GRK2: variants seen among roughly 807,000 people sequenced by gnomAD.
The protein encoded by GRK2 is adrenergic beta receptor kinase 1.
A neutral mutation model predicts 97.8 loss-of-function variants in GRK2; 23 were observed. That is an observed-to-expected ratio of 0.24 (90% CI 0.17 to 0.33). The LOEUF (loss-of-function observed/expected upper bound fraction) is 0.33, where lower values mean the gene tolerates loss of function less well. Among genes scored for constraint, GRK2 ranks in the 10% least tolerant of loss-of-function variants. The pLI is 1.00. For synonymous variants in GRK2, 425 were observed against 381.7 expected (o/e 1.11, Z -1.32); for missense variants, 633 against 956.9 (o/e 0.66, Z 4.47).
intron 1 of GRK2, among the ~76,000 whole-genome samples, chr11:67,268,429 T>C (rs1431657135): frequency 6.6e-6 from 1 of 151,996 alleles, no homozygotes; most frequent in Admixed American, 6.6e-5. Flanking sequence ...CTGGGGGCTG[T>C]CCAGGGAGCA....
At position 67,283,784 on chromosome 11, in the gene GRK2, G is replaced by A. The variant is rs1590855332; in HGVS notation, c.1395+11G>A. ...GTCTTCTTGCAGAAGGTAACAGTCT[G>A]CGGCAGGGACTGGGGGTGCTCTGCA... On this transcript the variant is annotated intron_variant, in intron 16 of 20. Coordinates refer to ENST00000308595, the MANE Select transcript of GRK2 (RefSeq NM_001619.5). The A allele has an allele frequency of 1.9e-6, 3 of 1,613,488 alleles. No individual in the cohort carries two copies. Among genetic ancestry groups the A allele is most frequent in the Non-Finnish European group, 2.5e-6 (3 of 1,179,954 alleles).
At position 67,284,205 on chromosome 11, in the gene GRK2, G is replaced by A. The variant is rs930919922; in HGVS notation, c.1492-6G>A. The A allele has an allele frequency of 7.4e-6, 12 of 1,613,554 alleles. No individual in the cohort carries two copies. Among genetic ancestry groups the A allele is most frequent in the Middle Eastern group, 3.3e-4 (2 of 6,062 alleles). On this transcript the variant is annotated splice_polypyrimidine_tract_variant and splice_region_variant and intron_variant, in intron 17 of 20. Coordinates refer to ENST00000308595, the MANE Select transcript of GRK2 (RefSeq NM_001619.5). ...CATGTGCCCCTGCCCCATCCACCTG[G>A]TAAAGTTACTGGACAGTGATCAGGA...
intron 15 of GRK2, 113 bp from the exon 16 acceptor site, chr11:67,283,594 G>A (rs995003173): frequency 1.9e-6 from 2 of 1,027,354 alleles, no homozygotes; most frequent in South Asian, 1.4e-5. Context: ...TGAGGAAACA[G>A]CTCAGGCTTA....
At chr11:67,280,469 T>A (rs1164622423) in intron 6 of GRK2, 2 of 567,760 alleles carry the variant, frequency 3.5e-6, no homozygotes, top group Non-Finnish European at 6.3e-6. Flanking sequence ...CTGGAAGACC[T>A]CCTTTCTGTG....
rs148084953 is a variant in GRK2 at position 67,283,222 on chromosome 11, G to A, written c.1322G>A (p.Gly441Asp). 1 of 1,613,700 alleles carries A rather than the reference G, an allele frequency of 6.2e-7. No homozygotes were observed. Among genetic ancestry groups the A allele is most frequent in the African/African-American group, 1.3e-5 (1 of 74,908 alleles). ...GTCAACCGGAGATTGGGCTGCCTGG[G>A]CCGAGGGTGAGTACCCTGGCGCCTT... ...RDVNRRLGCLGRGAQEVKESP... is the reference protein window; with the variant it reads ...RDVNRRLGCLDRGAQEVKESP... The change falls in exon 15 of 21, where the codon GGC (glycine) becomes GAC (aspartate). Residue 441 changes from glycine to aspartate, a missense_variant. Gly to Asp is a moderately conservative substitution (Grantham distance 94). This residue lies in a region of GRK2 where 68 missense variants were observed against 71.0 expected (regional missense o/e 0.96). Coordinates refer to ENST00000308595, the MANE Select transcript of GRK2 (RefSeq NM_001619.5).
rs577737283 is a variant in GRK2, at chr11:67,269,194, G to A, written c.113+2382G>A. On this transcript the variant is annotated intron_variant, in intron 1 of 20. Coordinates refer to ENST00000308595, the MANE Select transcript of GRK2 (RefSeq NM_001619.5). The surrounding 1 kb of genome is among the most constrained non-coding windows in gnomAD (Gnocchi z 4.1). ...CAGAGCACGCCGCCCCCCGCCCCCCGCCGCCCCAGTGGTGATCCTGACCAT... is the reference window on the plus strand; with the variant it reads ...CAGAGCACGCCGCCCCCCGCCCCCCACCGCCCCAGTGGTGATCCTGACCAT... Among the ~76,000 whole-genome samples the A allele has an allele frequency of 9.2e-5, 10 of 108,632 alleles. No individual in the cohort carries two copies. Among genetic ancestry groups the A allele is most frequent in the African/African-American group, 2.8e-4 (8 of 28,768 alleles). 71.3% of individuals were successfully genotyped at this position (108,632 alleles called of 152,430 possible). A position where few individuals can be genotyped will look rare whatever the true frequency, so the allele number is the denominator to read the frequency against.
In GRK2 at chr11:67,286,448, C is replaced by A; in HGVS notation, c.*998C>A. The A allele has an allele frequency of 1.4e-6, 1 of 698,856 alleles. No individual in the cohort carries two copies. The highest frequency in any genetic ancestry group is 2.6e-6 in the Non-Finnish European group (1 of 382,610). 43.3% of individuals were successfully genotyped at this position (698,856 alleles called of 1,614,324 possible). A position where few individuals can be genotyped will look rare whatever the true frequency, so the allele number is the denominator to read the frequency against. On this transcript the variant is annotated 3_prime_UTR_variant, in exon 21 of 21. Transcript: ENST00000308595. ...CCCCCCCGGGGCTGGGTTGGCGCACCCTCCCCTCCCGTCTACTCATTCCCC... is the reference window on the plus strand; with the variant it reads ...CCCCCCCGGGGCTGGGTTGGCGCACACTCCCCTCCCGTCTACTCATTCCCC...
At position 67,279,527 on chromosome 11, in the gene GRK2, TC is replaced by T; in HGVS notation, c.366+10del. 2.5e-6 allele frequency: 4 copies of T among 1,613,000 alleles called. No individual in the cohort carries two copies. Among genetic ancestry groups the T allele is most frequent in the Non-Finnish European group, 2.5e-6 (3 of 1,179,926 alleles). ...CTGCTGGCCTGCTCGCATGTGAGTGTCCTCAGCTGGCCCTGTGTGCTGGCCC... is the reference window on the plus strand; with the variant it reads ...CTGCTGGCCTGCTCGCATGTGAGTGTCTCAGCTGGCCCTGTGTGCTGGCCC... On this transcript the variant is annotated intron_variant, in intron 4 of 20. Coordinates refer to ENST00000308595, the MANE Select transcript of GRK2 (RefSeq NM_001619.5).
chr11:67,273,721 G>T (rs1185136483), intron 1 of GRK2, among the ~76,000 whole-genome samples: 1 of 152,176 alleles, frequency 6.6e-6, no homozygotes, highest in Non-Finnish European at 1.5e-5. Flanking sequence ...TTTTAAGGAA[G>T]AAAGTGGAGT....
chr11:67,275,821 C>T lies in GRK2; in HGVS notation c.114-1451C>T, dbSNP rs1021924784. ...TTCCACCTTCTCCACACAGGCTTTC[C>T]AGACCCAGAGGCCTCCTCTCCTTCC... is the stretch of plus-strand genomic sequence containing the variant. On this transcript the variant is annotated intron_variant, in intron 1 of 20. Coordinates refer to ENST00000308595, the MANE Select transcript of GRK2 (RefSeq NM_001619.5). Among the ~76,000 whole-genome samples, 22 of 152,400 alleles carry T rather than the reference C, an allele frequency of 1.4e-4. 1 individual carries two copies. In the East Asian group the frequency reaches 4.2e-3, roughly 29 times the overall value.
chr11:67,285,563 C>T lies in GRK2; in HGVS notation c.*113C>T. ...TGTAATTATTGTGATTTCCCGTGGCCCCAGCCTGGCCCAGCTCCCCCGGGA... is the reference window on the plus strand; with the variant it reads ...TGTAATTATTGTGATTTCCCGTGGCTCCAGCCTGGCCCAGCTCCCCCGGGA... On this transcript the variant is annotated 3_prime_UTR_variant, in exon 21 of 21. Transcript: ENST00000308595. 1 of 1,292,294 alleles carries T rather than the reference C, an allele frequency of 7.7e-7. No homozygotes were observed. The highest frequency in any genetic ancestry group is 3.2e-5 in the Admixed American group (1 of 31,712). The allele number at this position is 1,292,294 out of a possible 1,614,324, so 80.1% of individuals were successfully genotyped here.
chr11:67,281,430 G>GGT lies in GRK2; in HGVS notation c.648-26_648-25dup, dbSNP rs1565067162. 1 of 1,599,834 alleles carries GGT rather than the reference G, an allele frequency of 6.3e-7. No homozygotes were observed. Among genetic ancestry groups the GGT allele is most frequent in the Non-Finnish European group, 8.6e-7 (1 of 1,168,402 alleles). ...GCCCTGGGCCCCTGCTCTGAGGGTG[G>GGT]GTGTTGACTGCCGACCTCTGCCCCG... On this transcript the variant is annotated intron_variant, in intron 8 of 20. Coordinates refer to ENST00000308595, the MANE Select transcript of GRK2 (RefSeq NM_001619.5). The surrounding 1 kb of genome is among the most constrained non-coding windows in gnomAD (Gnocchi z 5.7).
intron 1 of GRK2, chr11:67,270,795 A>C (rs941861451): frequency 1.8e-4 from 27 of 152,324 alleles, no homozygotes; most frequent in African/African-American, 5.8e-4. Flanking sequence ...CTTATTTGCC[A>C]TTAAGTCGCC....
intron 3 of GRK2, 57 bp downstream of exon 3, chr11:67,279,330 C>T (rs1019794406): frequency 1.1e-5 from 17 of 1,608,538 alleles, no homozygotes; most frequent in African/African-American, 5.3e-5. Flanking sequence ...GAGGTTGGGG[C>T]GGCTTTGTGG....
At chr11:67,280,679 A>G in intron 6 of GRK2, 53 bp from the exon 7 acceptor site, 3 of 1,608,246 alleles carry the variant, frequency 1.9e-6, no homozygotes, top group Admixed American at 1.7e-5. Context: ...TCACGACAGC[A>G]TCATCCTTCC....
In GRK2 at chr11:67,285,294, T is replaced by C. The variant is rs752047589; in HGVS notation, c.1914T>C (p.Pro638=). ...GGGCTTGGCATGTGCAGAGCGACCC[T>C]GAGCTGGTGCAGTGGAAGAAGGAGC... ...KQFILQCDSD[P]ELVQWKKELR... The change falls in exon 21 of 21, where the codon CCT becomes CCC. Residue 638 remains proline (P), a synonymous_variant. Transcript: ENST00000308595. 49 of 1,609,068 alleles carry C rather than the reference T, an allele frequency of 3.0e-5. No individual in the cohort carries two copies. The highest frequency in any genetic ancestry group is 4.1e-5 in the Non-Finnish European group (48 of 1,178,138).
At position 67,284,763 on chromosome 11, in the gene GRK2, T is replaced by C; in HGVS notation, c.1655-84T>C. On this transcript the variant is annotated intron_variant, in intron 18 of 20. Coordinates refer to ENST00000308595, the MANE Select transcript of GRK2 (RefSeq NM_001619.5). ...AAGATTGTGCCACAGCCCTCCAGCC[T>C]GGGCAACAGAGTGGAGACCCTGTCT... is the stretch of plus-strand genomic sequence containing the variant. 2.6e-6 allele frequency: 4 copies of C among 1,518,292 alleles called. No individual in the cohort carries two copies. In the South Asian group the frequency reaches 4.9e-5, roughly 18 times the overall value. The allele number at this position is 1,518,292 out of a possible 1,614,324, so 94.1% of individuals were successfully genotyped here. A position where few individuals can be genotyped will look rare whatever the true frequency, so the allele number is the denominator to read the frequency against.
intron 15 of GRK2, 136 bp from the exon 16 acceptor site, chr11:67,283,571 C>T: frequency 1.2e-6 from 1 of 866,962 alleles, no homozygotes; most frequent in Non-Finnish European, 1.8e-6. Context: ...CTTCTGTTCT[C>T]CCATTTGAGA....
rs1860138719 is a variant in GRK2, at chr11:67,281,095, G to C, written c.558G>C (p.Leu186=). ...QWKNVELNIH[L]TMNDFSVHRI... is the part of the protein sequence containing the mutation. ...CCGCAGCTGTCGCTGCCCCTCAGCT[G>C]ACCATGAATGACTTCAGCGTGCATC... The change falls in exon 8 of 21, where the codon CTG becomes CTC. Residue 186 remains leucine (L), a splice_region_variant and synonymous_variant. Transcript: ENST00000308595. The surrounding 1 kb of genome is among the most constrained non-coding windows in gnomAD (Gnocchi z 5.7). The C allele has an allele frequency of 6.2e-7, 1 of 1,612,120 alleles. No homozygotes were observed. The highest frequency in any genetic ancestry group is 8.5e-7 in the Non-Finnish European group (1 of 1,179,154).
Sources: allele counts gnomAD v4.1 joint callset (sites outside exome capture counted in the v4.1 genomes callset), GRCh38; gene constraint gnomAD v4.1.1; regional missense constraint gnomAD v4.1.1; non-coding constraint Gnocchi (gnomAD v3.1); transcripts MANE v1.5; gene names NCBI Gene and HGNC (gene_info 2026-07-23, HGNC 2026-07-21).